Variants in RASA1 observed in about 807,000 individuals in gnomAD.
RASA1 encodes RAS p21 protein activator 1.
In RASA1, 25 loss-of-function variants were observed where a neutral mutation model predicts 132.2. The observed-to-expected ratio is 0.19, with a 90% CI of 0.14 to 0.26. The LOEUF (loss-of-function observed/expected upper bound fraction) is 0.26, where lower values mean the gene tolerates loss of function less well. Ranked by LOEUF, RASA1 falls within the 10% of genes least tolerant of loss-of-function variation. The pLI is 1.00. For synonymous variants in RASA1, 477 were observed against 449.9 expected (o/e 1.06, Z -0.76); for missense variants, 964 against 1,299.2 (o/e 0.74, Z 3.97).
chr5:87,272,359 A>G (rs1189296450), intron 1 of RASA1, among the ~76,000 whole-genome samples: 1 of 152,070 alleles, frequency 6.6e-6, no homozygotes. Context: ...ATTTCATCTT[A>G]GTTATCAACC....
At chr5:87,324,369 T>C (rs1757063948) in intron 1 of RASA1, among the ~76,000 whole-genome samples, 1 of 152,186 alleles carries the variant, frequency 6.6e-6, no homozygotes, top group Admixed American at 6.5e-5. Context: ...CCCTTCGTTA[T>C]CTGTTTACTA....
rs752438930 is a variant in RASA1, at chr5:87,376,573, ATTAT to A, written c.2184+13_2184+16del. On this transcript the variant is annotated intron_variant, in intron 16 of 24. Coordinates refer to ENST00000274376, the MANE Select transcript of RASA1 (RefSeq NM_002890.3). Reference sequence around the variant, plus strand: ...TACAGTGAATTTAAAGAGGTATTAAATTATTTATCAGTCTTGTTTTTGTTGGAAT... The same window carrying A: ...TACAGTGAATTTAAAGAGGTATTAAATTATCAGTCTTGTTTTTGTTGGAAT... 2 of 1,610,376 alleles carry A rather than the reference ATTAT, an allele frequency of 1.2e-6. No individual in the cohort carries two copies. Among genetic ancestry groups the A allele is most frequent in the South Asian group, 1.1e-5 (1 of 90,996 alleles).
chr5:87,327,214 A>C (rs562388420), intron 1 of RASA1, among the ~76,000 whole-genome samples: 2 of 152,206 alleles, frequency 1.3e-5, no homozygotes, highest in Non-Finnish European at 2.9e-5. Flanking sequence ...CCTTTTATAG[A>C]TGAGGAAACT....
intron 1 of RASA1, among the ~76,000 whole-genome samples, chr5:87,280,264 C>T (rs1754257601): frequency 6.6e-6 from 1 of 152,178 alleles, no homozygotes; most frequent in Non-Finnish European, 1.5e-5. Flanking sequence ...TCCAGTCAAG[C>T]TGACACCTAA....
chr5:87,308,300 G>A (rs1048105852), intron 1 of RASA1, among the ~76,000 whole-genome samples: 1 of 151,974 alleles, frequency 6.6e-6, no homozygotes, highest in Admixed American at 6.6e-5. Context: ...AGAAAAAGTG[G>A]CAGAGTGGCT....
intron 5 of RASA1, among the ~76,000 whole-genome samples, chr5:87,339,647 A>C (rs1580303188): frequency 6.6e-6 from 1 of 152,134 alleles, no homozygotes; most frequent in Non-Finnish European, 1.5e-5. Flanking sequence ...ATAACAACCC[A>C]AACCAGAATA....
chr5:87,362,694 A>G, intron 10 of RASA1, 23 bp downstream of exon 10: 1 of 1,596,820 alleles, frequency 6.3e-7, no homozygotes, highest in Non-Finnish European at 8.6e-7. Context: ...TTTTATCATT[A>G]ACCCATTTGA....
intron 1 of RASA1, among the ~76,000 whole-genome samples, chr5:87,313,013 G>A (rs1273832187): frequency 6.6e-6 from 1 of 152,182 alleles, no homozygotes; most frequent in Non-Finnish European, 1.5e-5. Context: ...TTCCCACAGA[G>A]AGACTGTGAG....
intron 9 of RASA1, among the ~76,000 whole-genome samples, chr5:87,359,393 AC>A (rs200003699): frequency 0.011 from 1,654 of 152,332 alleles, 10 homozygotes; most frequent in Middle Eastern, 0.027. Flanking sequence ...CCTCTCATTG[AC>A]TAGGACTTGA....
rs1421369290 is a variant in RASA1, at chr5:87,338,537, T to TA, written c.1017+446_1017+447insA. On this transcript the variant is annotated intron_variant, in intron 5 of 24. Transcript: ENST00000274376. ...TATATATATATATATATATATAAAA[T>TA]TTTTTTTTTTTTTAAGTAGAAATGG... is the stretch of plus-strand genomic sequence containing the variant. Among the ~76,000 whole-genome samples the TA allele has an allele frequency of 7.5e-5, 6 of 79,792 alleles. 1 individual carries two copies. The highest frequency in any genetic ancestry group is 1.4e-4 in the African/African-American group (3 of 21,916). 52.3% of individuals were successfully genotyped at this position (79,792 alleles called of 152,430 possible).
At chr5:87,363,292 T>C (rs1580356265) in intron 10 of RASA1, 56 bp from the exon 11 acceptor site, 1 of 1,408,996 alleles carries the variant, frequency 7.1e-7, no homozygotes, top group Middle Eastern at 2.3e-4. Context: ...ATTTTAATAA[T>C]ATGTAGGATT....
chr5:87,391,273 C>T lies in RASA1; in HGVS notation c.*390C>T. On this transcript the variant is annotated 3_prime_UTR_variant, in exon 25 of 25. Transcript: ENST00000274376. ...AACTATGAAATCAACTGACAAGAAACACATTCTTATTGACAATTGTGTATA... is the reference window on the plus strand; with the variant it reads ...AACTATGAAATCAACTGACAAGAAATACATTCTTATTGACAATTGTGTATA... 2.6e-6 allele frequency: 1 copy of T among 382,836 alleles called. No individual in the cohort carries two copies. The highest frequency in any genetic ancestry group is 4.2e-5 in the Admixed American group (1 of 23,750). The allele number at this position is 382,836 out of a possible 1,614,324, so 23.7% of individuals were successfully genotyped here. A position where few individuals can be genotyped will look rare whatever the true frequency, so the allele number is the denominator to read the frequency against.
At chr5:87,287,378 C>CACACACCATATATATACCATATAT (rs1561256767) in intron 1 of RASA1, among the ~76,000 whole-genome samples, 1 of 143,372 alleles carries the variant, frequency 7.0e-6, no homozygotes, top group Non-Finnish European at 1.5e-5. Flanking sequence ...ACCATATATA[C>CACACACCATATATATACCATATAT]ACACACCATA....
intron 15 of RASA1, 34 bp from the exon 16 acceptor site, chr5:87,376,359 T>A: frequency 6.2e-7 from 1 of 1,611,202 alleles, no homozygotes; most frequent in Non-Finnish European, 8.5e-7. Context: ...CGTGTTCTCT[T>A]TTTAAACAAT....
intron 1 of RASA1, among the ~76,000 whole-genome samples, chr5:87,278,977 C>G (rs1366486470): frequency 7.8e-6 from 1 of 128,146 alleles, no homozygotes; most frequent in Non-Finnish European, 1.6e-5. Flanking sequence ...GGTGCAATGG[C>G]TCATTCCTGT....
intron 11 of RASA1, chr5:87,366,432 A>T (rs567700516): frequency 5.4e-6 from 2 of 369,226 alleles, no homozygotes; most frequent in Non-Finnish European, 1.1e-5. Flanking sequence ...AAGAATTGCC[A>T]GAGTAAAAAG....
intron 1 of RASA1, among the ~76,000 whole-genome samples, chr5:87,313,096 G>C (rs1027795073): frequency 6.6e-6 from 1 of 152,208 alleles, no homozygotes; most frequent in Non-Finnish European, 1.5e-5. Context: ...AAGTTGTATG[G>C]ACTGCAGATA....
chr5:87,308,524 AAAT>A (rs1755727195), intron 1 of RASA1, among the ~76,000 whole-genome samples: 1 of 152,166 alleles, frequency 6.6e-6, no homozygotes, highest in Admixed American at 6.5e-5. Context: ...TTAAAAAACA[AAAT>A]AATGAACAAT....
At chr5:87,303,566 C>T (rs1580219330) in intron 1 of RASA1, among the ~76,000 whole-genome samples, 1 of 152,022 alleles carries the variant, frequency 6.6e-6, no homozygotes, top group Non-Finnish European at 1.5e-5. Flanking sequence ...CATATTTCCA[C>T]ATAAATGTCA....
Sources: allele counts gnomAD v4.1 joint callset (sites outside exome capture counted in the v4.1 genomes callset), GRCh38; gene constraint gnomAD v4.1.1; transcripts MANE v1.5; gene names NCBI Gene and HGNC (gene_info 2026-07-23, HGNC 2026-07-21).